TVP23A: variants seen among roughly 807,000 people sequenced by gnomAD.
TVP23A encodes the protein trans-golgi network vesicle protein 23 homolog A.
Under a neutral mutation model 31.7 loss-of-function variants are expected in TVP23A, and 21 were observed. That is an observed-to-expected ratio of 0.66 (90% CI 0.47 to 0.95). The LOEUF (loss-of-function observed/expected upper bound fraction) is 0.95. Ranked by LOEUF, TVP23A falls within the 40% of genes least tolerant of loss-of-function variation. The pLI is 0.00. For missense variants in TVP23A, 279 were observed against 255.6 expected, an observed-to-expected ratio of 1.09 and a Z score of -0.62; for synonymous variants, 104 against 96.0, an observed-to-expected ratio of 1.08 and a Z score of -0.49.
At chr16:10,814,576 C>T (rs2143008457) in intron 2 of TVP23A, among the ~76,000 whole-genome samples, 1 of 152,316 alleles carries the variant, frequency 6.6e-6, no homozygotes, top group South Asian at 2.1e-4. Flanking sequence ...TCCTATCCTA[C>T]TTCCACCCCA....
rs772660772 is a variant in TVP23A, at chr16:10,768,848, C to T, written c.*254G>A. The T allele has an allele frequency of 3.7e-6, 2 of 535,500 alleles. No individual in the cohort carries two copies. Among genetic ancestry groups the T allele is most frequent in the Non-Finnish European group, 6.6e-6 (2 of 300,848 alleles). 33.2% of individuals were successfully genotyped at this position (535,500 alleles called of 1,614,324 possible). ...TAGATGGTCCGAGGAAGGCCGCAGC[C>T]ACTGGTTATGAGCAAGATGGGTAGT... On this transcript the variant is annotated 3_prime_UTR_variant, in exon 8 of 8. Coordinates refer to ENST00000299866, the MANE Select transcript of TVP23A (RefSeq NM_001079512.4). The surrounding 1 kb of genome is among the most constrained non-coding windows in gnomAD (Gnocchi z 4.3).
At position 10,766,743 on chromosome 16, in the gene TVP23A, T is replaced by G. The variant is rs2030939482; in HGVS notation, c.*2359A>C. The G allele has an allele frequency of 2.5e-6, 1 of 394,556 alleles. No individual in the cohort carries two copies. The highest frequency in any genetic ancestry group is 4.5e-6 in the Non-Finnish European group (1 of 224,016). 24.4% of individuals were successfully genotyped at this position (394,556 alleles called of 1,614,324 possible). ...CCACGGTGTGGGAGGAGAACGGGCC[T>G]GAGAATAGGGGCTCAAAGGCCCCAT... On this transcript the variant is annotated 3_prime_UTR_variant, in exon 8 of 8. Transcript: ENST00000299866. The surrounding 1 kb of genome is among the most constrained non-coding windows in gnomAD (Gnocchi z 4.8).
intron 2 of TVP23A, among the ~76,000 whole-genome samples, chr16:10,814,534 T>G (rs1430317523): frequency 6.6e-6 from 1 of 151,978 alleles, no homozygotes. Flanking sequence ...GCCCCTTTCC[T>G]CTGTCATCCC....
chr16:10,770,234 C>G (rs1388009081), intron 7 of TVP23A, 38 bp downstream of exon 7: 15 of 1,548,848 alleles, frequency 9.7e-6, no homozygotes, highest in African/African-American at 1.4e-5. Context: ...TCAGAATTCC[C>G]CAGTTCCTCC....
intron 2 of TVP23A, among the ~76,000 whole-genome samples, chr16:10,776,536 C>T (rs764906375): frequency 2.0e-5 from 3 of 152,048 alleles, no homozygotes; most frequent in Non-Finnish European, 2.9e-5. Context: ...AGGTAGAGAA[C>T]GATACTCAAC....
At chr16:10,763,046 A>G (rs1325952969), downstream of TVP23A, among the ~76,000 whole-genome samples, 1 of 151,978 alleles carries the variant, frequency 6.6e-6, no homozygotes, top group Non-Finnish European at 1.5e-5. Context: ...ACAAGAGAGA[A>G]AGTGACGGCA....
At chr16:10,759,312 G>A (rs1222221067), downstream of TVP23A, among the ~76,000 whole-genome samples, 1 of 152,190 alleles carries the variant, frequency 6.6e-6, no homozygotes, top group East Asian at 1.9e-4. The surrounding 1 kb of genome is among the most constrained non-coding windows in gnomAD (Gnocchi z 4.7). Context: ...AGAAAATGGT[G>A]CAAGATTCAT....
intron 2 of TVP23A, among the ~76,000 whole-genome samples, chr16:10,802,101 TACAC>T (rs146939902): frequency 8.8e-5 from 13 of 147,892 alleles, no homozygotes; most frequent in African/African-American, 2.7e-4. Context: ...CAAATACACA[TACAC>T]ACACACACAC....
At chr16:10,782,381 C>G (rs1192514339) in intron 2 of TVP23A, among the ~76,000 whole-genome samples, 1 of 152,216 alleles carries the variant, frequency 6.6e-6, no homozygotes, top group Non-Finnish European at 1.5e-5. Context: ...AATGTACTTC[C>G]ACACTTGCCT....
Position 10,774,982 on chromosome 16 carries a change from G to A in TVP23A, c.204C>T (p.Leu68=), listed in dbSNP as rs369402614. 151 of 1,612,924 alleles carry A rather than the reference G, an allele frequency of 9.4e-5. No homozygotes were observed. Among genetic ancestry groups the A allele is most frequent in the Non-Finnish European group, 1.2e-4 (141 of 1,179,492 alleles). The change falls in exon 3 of 8, where the codon CTC becomes CTT. Residue 68 remains leucine, a synonymous_variant. Coordinates refer to ENST00000299866, the MANE Select transcript of TVP23A (RefSeq NM_001079512.4). ...SFVGCFVMVL[L]LLSLDFWSVK... ...CAGACCAGAAGTCCAGGGACAGGAG[G>A]AGCAGCACCATGACAAAACAGCCCA...
intron 2 of TVP23A, among the ~76,000 whole-genome samples, chr16:10,812,298 C>T (rs2034241588): frequency 6.6e-6 from 1 of 152,134 alleles, no homozygotes. Context: ...GACCCTTGTA[C>T]AGTGTTGATG....
In TVP23A at chr16:10,766,788, A is replaced by G. The variant is rs114058890; in HGVS notation, c.*2314T>C. On this transcript the variant is annotated 3_prime_UTR_variant, in exon 8 of 8. Coordinates refer to ENST00000299866, the MANE Select transcript of TVP23A (RefSeq NM_001079512.4). This position sits in a 1 kb window ranked among gnomAD's most constrained non-coding sequence, Gnocchi z 4.8. The stretch of plus-strand genomic sequence containing the variant: ...CCCCATTACAGAGTTTTTGTGTTTA[A>G]ATACCCTCTACTTGAGGTACGCCCT... The G allele has an allele frequency of 7.2e-3, 2,852 of 397,334 alleles. 90 individuals are homozygous for G. Among genetic ancestry groups the G allele is most frequent in the African/African-American group, 0.052 (2,538 of 48,720 alleles). The allele number at this position is 397,334 out of a possible 1,614,324, so 24.6% of individuals were successfully genotyped here. A position where few individuals can be genotyped will look rare whatever the true frequency, so the allele number is the denominator to read the frequency against.
At chr16:10,812,309 G>A (rs577994917) in intron 2 of TVP23A, among the ~76,000 whole-genome samples, 1 of 152,328 alleles carries the variant, frequency 6.6e-6, no homozygotes, top group Admixed American at 6.5e-5. Flanking sequence ...AGTGTTGATG[G>A]GATTGTAAAA....
chr16:10,798,125 T>C (rs2033499994), intron 2 of TVP23A, among the ~76,000 whole-genome samples: 1 of 151,574 alleles, frequency 6.6e-6, no homozygotes, highest in East Asian at 1.9e-4. Flanking sequence ...CCAGCTAATT[T>C]TTTGTATTTT....
intron 2 of TVP23A, among the ~76,000 whole-genome samples, chr16:10,805,822 G>A (rs1275194708): frequency 6.6e-6 from 1 of 151,802 alleles, no homozygotes; most frequent in African/African-American, 2.4e-5. Context: ...GCACACAAAG[G>A]TCCTTGAAAA....
At chr16:10,800,901 G>C (rs545219130) in intron 2 of TVP23A, among the ~76,000 whole-genome samples, 25 of 152,234 alleles carry the variant, frequency 1.6e-4, no homozygotes, top group Non-Finnish European at 2.6e-4. Flanking sequence ...TGAGGTGGGA[G>C]GATCACTTGA....
chr16:10,773,781 G>A (rs887569848), intron 4 of TVP23A, among the ~76,000 whole-genome samples: 2 of 152,000 alleles, frequency 1.3e-5, no homozygotes, highest in African/African-American at 4.8e-5. Context: ...ATGTTGCCCA[G>A]GCTAGTCTCA....
downstream of TVP23A, chr16:10,761,820 G>T (rs754986223): frequency 2.5e-6 from 4 of 1,614,124 alleles, no homozygotes; most frequent in East Asian, 8.9e-5. Flanking sequence ...GGACTTGGAG[G>T]TCCCTCTCCT....
chr16:10,796,378 CGA>C (rs2033388911), intron 2 of TVP23A, among the ~76,000 whole-genome samples: 1 of 151,722 alleles, frequency 6.6e-6, no homozygotes, highest in Non-Finnish European at 1.5e-5. Context: ...AAAGAGAGAG[CGA>C]GAGAGAGGAG....
Sources: allele counts gnomAD v4.1 joint callset (sites outside exome capture counted in the v4.1 genomes callset), GRCh38; gene constraint gnomAD v4.1.1; non-coding constraint Gnocchi (gnomAD v3.1); transcripts MANE v1.5; gene names NCBI Gene and HGNC (gene_info 2026-07-23, HGNC 2026-07-21).